XIRP2: variants seen among roughly 807,000 people sequenced by gnomAD.
XIRP2 encodes xin actin binding repeat containing 2.
In XIRP2, 236 loss-of-function variants were observed where a neutral mutation model predicts 277.0. The ratio of observed to expected loss-of-function variants is 0.85; its 90% CI spans 0.77 to 0.95. The LOEUF is 0.95. XIRP2 is among the 40% of genes least tolerant of loss of function. XIRP2 has a pLI of 0.00. For synonymous variants in XIRP2, 1,490 were observed against 1,416.5 expected (o/e 1.05, Z -1.17); for missense variants, 4,640 against 4,157.5 (o/e 1.12, Z -3.19).
At chr2:167,080,729 C>A (rs1418924514) in intron 2 of XIRP2, among the ~76,000 whole-genome samples, 1 of 152,136 alleles carries the variant, frequency 6.6e-6, no homozygotes, top group East Asian at 1.9e-4. Context: ...AATAAAATAT[C>A]TTTCTCTAAG....
chr2:167,251,453 T>G lies in XIRP2; in HGVS notation c.10061T>G (p.Val3354Gly). The change falls in exon 9 of 11, where the codon GTT becomes GGT. Residue 3354 changes from valine (V) to glycine (G), a missense_variant. Coordinates refer to ENST00000409195, the MANE Select transcript of XIRP2 (RefSeq NM_152381.6). ...PVSEAKSNRRVYAKGETNHNI... is the reference protein window; with the variant it reads ...PVSEAKSNRRGYAKGETNHNI... ...TCTGAAGCAAAGTCAAATAGAAGAG[T>G]TTATGCAAAGGGAGAAACAAACCAT... 1 of 1,613,246 alleles carries G rather than the reference T, an allele frequency of 6.2e-7. No individual in the cohort carries two copies. The highest frequency in any genetic ancestry group is 8.5e-7 in the Non-Finnish European group (1 of 1,179,616).
At chr2:166,960,213 G>T (rs1007129396) in intron 2 of XIRP2, among the ~76,000 whole-genome samples, 1 of 151,492 alleles carries the variant, frequency 6.6e-6, no homozygotes, top group South Asian at 2.1e-4. Flanking sequence ...TGGTGGAGAG[G>T]GGATATGTTA....
chr2:167,031,656 C>T (rs992064600), intron 2 of XIRP2, among the ~76,000 whole-genome samples: 1 of 151,996 alleles, frequency 6.6e-6, no homozygotes, highest in Non-Finnish European at 1.5e-5. Context: ...TCCTTTACAC[C>T]AATAACAGAC....
chr2:166,937,335 A>G (rs1220965640), intron 2 of XIRP2, among the ~76,000 whole-genome samples: 1 of 152,162 alleles, frequency 6.6e-6, no homozygotes, highest in East Asian at 1.9e-4. Flanking sequence ...TTCTGCATCT[A>G]TTGAGATAAT....
At chr2:166,984,395 G>A (rs985396874) in intron 2 of XIRP2, among the ~76,000 whole-genome samples, 2 of 152,126 alleles carry the variant, frequency 1.3e-5, no homozygotes, top group Non-Finnish European at 2.9e-5. Flanking sequence ...GAGGCTTACA[G>A]AAGTCATGTG....
At chr2:167,140,770 T>C (rs577387105) in intron 3 of XIRP2, 5 of 152,240 alleles carry the variant, frequency 3.3e-5, no homozygotes, top group Non-Finnish European at 7.3e-5. Context: ...CCATTTTTTG[T>C]ATCAGTAATC....
chr2:166,937,444 C>G (rs535984924), intron 2 of XIRP2, among the ~76,000 whole-genome samples: 113 of 152,270 alleles, frequency 7.4e-4, no homozygotes, highest in African/African-American at 2.6e-3. Context: ...AGGGATGAAG[C>G]CGACTTGGTC....
intron 2 of XIRP2, among the ~76,000 whole-genome samples, chr2:167,076,629 C>G (rs1164500965): frequency 6.6e-6 from 1 of 152,048 alleles, no homozygotes; most frequent in Non-Finnish European, 1.5e-5. Context: ...TGCTTTTTGG[C>G]AGTCATTTGT....
At chr2:167,029,742 C>T (rs1367143239) in intron 2 of XIRP2, among the ~76,000 whole-genome samples, 1 of 152,002 alleles carries the variant, frequency 6.6e-6, no homozygotes, top group Non-Finnish European at 1.5e-5. Flanking sequence ...GGGAGGAGTC[C>T]CTCTTTTTCT....
chr2:167,132,786 A>G (rs1691423435), intron 2 of XIRP2, among the ~76,000 whole-genome samples: 1 of 152,070 alleles, frequency 6.6e-6, no homozygotes, highest in Admixed American at 6.6e-5. Flanking sequence ...TTCTTCAAAT[A>G]TCAGCTGAAG....
At chr2:167,257,503 T>C (rs1190599784) in intron 10 of XIRP2, among the ~76,000 whole-genome samples, 1 of 151,996 alleles carries the variant, frequency 6.6e-6, no homozygotes, top group Non-Finnish European at 1.5e-5. Context: ...TGTTGATTTG[T>C]ATGTGTTTGC....
intron 3 of XIRP2, among the ~76,000 whole-genome samples, chr2:167,178,514 G>A (rs73025733): frequency 0.099 from 15,034 of 151,938 alleles, 798 homozygotes; most frequent in South Asian, 0.16. Context: ...TGTTTGATTC[G>A]GGATGGTTAT....
chr2:167,086,080 C>T (rs1689932715), intron 2 of XIRP2, among the ~76,000 whole-genome samples: 1 of 151,906 alleles, frequency 6.6e-6, no homozygotes, highest in Non-Finnish European at 1.5e-5. Flanking sequence ...GCAGCTGGTA[C>T]CGGTTGTTCC....
intron 2 of XIRP2, among the ~76,000 whole-genome samples, chr2:167,059,732 T>C (rs1289971168): frequency 6.6e-6 from 1 of 152,146 alleles, no homozygotes; most frequent in East Asian, 1.9e-4. Flanking sequence ...ATTGTTACAT[T>C]GGAGACTTCC....
intron 2 of XIRP2, among the ~76,000 whole-genome samples, chr2:167,016,492 C>T (rs1300483228): frequency 6.6e-6 from 1 of 151,956 alleles, no homozygotes; most frequent in Non-Finnish European, 1.5e-5. Flanking sequence ...CCACATCCCA[C>T]AAATTGCGCT....
intron 3 of XIRP2, among the ~76,000 whole-genome samples, chr2:167,165,564 T>A (rs1449104444): frequency 6.6e-6 from 1 of 152,220 alleles, no homozygotes; most frequent in African/African-American, 2.4e-5. Context: ...GTTCTCTCAT[T>A]GTTGTTTTAA....
At position 167,248,541 on chromosome 2, in the gene XIRP2, T is replaced by C; in HGVS notation, c.7149T>C (p.Ser2383=). The C allele has an allele frequency of 1.2e-6, 2 of 1,613,762 alleles. No individual in the cohort carries two copies. Among genetic ancestry groups the C allele is most frequent in the Non-Finnish European group, 1.7e-6 (2 of 1,179,830 alleles). Residue 2383 remains serine (S), a synonymous_variant, in exon 9 of 11, where the codon TCT becomes TCC. Transcript: ENST00000409195. The part of the protein sequence containing the change: ...SQKPAHLLSS[S]APEKHSGDFM... The stretch of plus-strand genomic sequence containing the variant: ...AGCCAGCACATCTCCTTTCCTCCTC[T>C]GCTCCGGAAAAGCACAGTGGAGACT...
chr2:167,246,998 T>C lies in XIRP2; in HGVS notation c.5606T>C (p.Leu1869Pro). The C allele has an allele frequency of 6.2e-7, 1 of 1,613,694 alleles. No homozygotes were observed. Among genetic ancestry groups the C allele is most frequent in the Non-Finnish European group, 8.5e-7 (1 of 1,179,764 alleles). ...GAAGAAATTATAAAAGGTAACATGC[T>C]AGCCACACTCAAGTCACTTAAAGAA... ...KTEEIIKGNM[L>P]ATLKSLKESS... is the part of the protein sequence containing the mutation. Residue 1869 changes from leucine to proline, a missense_variant, in exon 9 of 11, where the codon CTA becomes CCA. Coordinates refer to ENST00000409195, the MANE Select transcript of XIRP2 (RefSeq NM_152381.6).
intron 5 of XIRP2, among the ~76,000 whole-genome samples, chr2:167,227,609 A>G (rs1383638148): frequency 1.3e-5 from 2 of 152,092 alleles, no homozygotes; most frequent in African/African-American, 4.8e-5. Context: ...CAGGAGGCTG[A>G]GGTGGAAGGA....
Sources: gnomAD v4.1 joint callset for allele counts (sites outside exome capture counted in the v4.1 genomes callset) on GRCh38, gnomAD v4.1.1 for gene constraint, MANE v1.5 for transcripts, NCBI Gene and HGNC (gene_info 2026-07-23, HGNC 2026-07-21) for gene names.